The following BNC2 variants were observed in gnomAD, a reference collection of about 807,000 sequenced individuals.
BNC2 encodes zinc finger protein basonuclin-2.
BNC2 carries 20 observed loss-of-function variants against 76.3 expected under a neutral mutation model. The ratio of observed to expected loss-of-function variants is 0.26; its 90% CI spans 0.18 to 0.38. BNC2 has a LOEUF of 0.38. Among genes scored for constraint, BNC2 ranks in the 10% least tolerant of loss-of-function variants. The pLI is 1.00. For synonymous variants in BNC2, 582 were observed against 514.8 expected (o/e 1.13, Z -1.77); for missense variants, 1,382 against 1,399.8 (o/e 0.99, Z 0.20).
At chr9:16,452,685 C>T (rs753111048) in intron 5 of BNC2, among the ~76,000 whole-genome samples, 2 of 152,198 alleles carry the variant, frequency 1.3e-5, no homozygotes, top group South Asian at 4.1e-4. Context: ...GCTGGGATCA[C>T]AGGTGTGAGC....
In BNC2 at chr9:16,419,353, T is replaced by C. The variant is rs1262424171; in HGVS notation, c.2936A>G (p.Glu979Gly). Residue 979 changes from glutamate (E) to glycine (G), a missense_variant, in exon 7 of 7, where the codon GAA becomes GGA. Physicochemically the swap from Glu to Gly is moderately conservative, Grantham distance 98. Coordinates refer to ENST00000380672, the MANE Select transcript of BNC2 (RefSeq NM_017637.6). ...QSSSSIHSSRESDAGSDEGIL... is the reference protein window; with the variant it reads ...QSSSSIHSSRGSDAGSDEGIL... ...CCCCTCATCGCTGCCTGCGTCGGAT[T>C]CTCTGGAGGAATGGATACTGCTGCT... 2.5e-6 allele frequency: 4 copies of C among 1,609,854 alleles called. No homozygotes were observed. Among genetic ancestry groups the C allele is most frequent in the Non-Finnish European group, 3.4e-6 (4 of 1,177,338 alleles).
chr9:16,577,141 T>G (rs1819508700), intron 4 of BNC2, among the ~76,000 whole-genome samples: 1 of 152,198 alleles, frequency 6.6e-6, no homozygotes, highest in Non-Finnish European at 1.5e-5. Flanking sequence ...CTTGCCAGAT[T>G]TAGCAAATAA....
At chr9:16,696,690 T>C (rs928357411) in intron 3 of BNC2, among the ~76,000 whole-genome samples, 9 of 152,214 alleles carry the variant, frequency 5.9e-5, no homozygotes, top group Admixed American at 1.3e-4. Context: ...GAATAATAAA[T>C]AAATATCTTA....
chr9:16,840,115 G>C (rs939849789), intron 1 of BNC2, among the ~76,000 whole-genome samples: 1 of 151,586 alleles, frequency 6.6e-6, no homozygotes, highest in South Asian at 2.1e-4. Context: ...TACCAAAGAA[G>C]TTACAAAGAT....
At chr9:16,628,746 G>GA (rs1821072829) in intron 3 of BNC2, among the ~76,000 whole-genome samples, 3 of 152,226 alleles carry the variant, frequency 2.0e-5, no homozygotes, top group African/African-American at 7.2e-5. Flanking sequence ...AAAGCATTCT[G>GA]AAAAAGATTC....
At chr9:16,729,965 G>A (rs1824460030) in intron 2 of BNC2, among the ~76,000 whole-genome samples, 1 of 151,878 alleles carries the variant, frequency 6.6e-6, no homozygotes, top group African/African-American at 2.4e-5. Flanking sequence ...TTTTGCCTGT[G>A]TTCTCTCTCG....
At chr9:16,850,113 G>T (rs1467087620) in intron 1 of BNC2, among the ~76,000 whole-genome samples, 1 of 152,116 alleles carries the variant, frequency 6.6e-6, no homozygotes, top group Non-Finnish European at 1.5e-5. Flanking sequence ...GTATCATGAA[G>T]CACTCATGCA....
chr9:16,440,510 AG>A (rs905476365), intron 5 of BNC2, among the ~76,000 whole-genome samples: 1 of 152,170 alleles, frequency 6.6e-6, no homozygotes, highest in Admixed American at 6.5e-5. Context: ...TATCTTCCCC[AG>A]GTTCTTCCAA....
intron 6 of BNC2, among the ~76,000 whole-genome samples, chr9:16,426,720 G>A (rs1169959553): frequency 1.3e-5 from 2 of 151,098 alleles, no homozygotes; most frequent in African/African-American, 4.9e-5. Context: ...AGCAATGCAT[G>A]CATGCTACTA....
At chr9:16,424,725 A>G (rs7856438) in intron 6 of BNC2, among the ~76,000 whole-genome samples, 71,308 of 151,920 alleles carry the variant, frequency 0.47, 18,306 homozygotes, top group African/African-American at 0.68. Flanking sequence ...GTACATTGTA[A>G]GACTACTGAG....
At chr9:16,696,913 T>C (rs1743400355) in intron 3 of BNC2, among the ~76,000 whole-genome samples, 1 of 152,236 alleles carries the variant, frequency 6.6e-6, no homozygotes, top group African/African-American at 2.4e-5. Context: ...ACTAACTCAA[T>C]GTCACCCTGT....
intron 3 of BNC2, among the ~76,000 whole-genome samples, chr9:16,595,414 C>T (rs1255252963): frequency 6.6e-6 from 1 of 152,096 alleles, no homozygotes; most frequent in Admixed American, 6.6e-5. Context: ...GTCATAGATT[C>T]CCCAGGGGTC....
intron 1 of BNC2, among the ~76,000 whole-genome samples, chr9:16,747,906 T>C (rs374711575): frequency 6.6e-6 from 1 of 152,244 alleles, no homozygotes; most frequent in South Asian, 2.1e-4. Flanking sequence ...TAGTTAGTTA[T>C]AATTATTAAT....
rs1008578271 is a variant in BNC2 at position 16,626,266 on chromosome 9, G to A, written c.331-43181C>T. ...TGTGTAAAGCATTCCTGAAGCTGAA[G>A]GGAAAACAAACTTCAAAAATCATGA... On this transcript the variant is annotated intron_variant, in intron 3 of 6. Transcript: ENST00000380672. 2.2e-4 allele frequency: 34 copies of A among 152,106 alleles called. 1 individual carries two copies. Among genetic ancestry groups the A allele is most frequent in the Admixed American group, 1.8e-3 (27 of 15,280 alleles). The allele number at this position is 152,106 out of a possible 1,614,324, so 9.4% of individuals were successfully genotyped here.
intron 1 of BNC2, among the ~76,000 whole-genome samples, chr9:16,793,894 G>A (rs184869498): frequency 1.4e-5 from 2 of 143,634 alleles, no homozygotes; most frequent in Admixed American, 7.0e-5. Context: ...AGTAGAGACG[G>A]AGTTTCACCG....
At chr9:16,788,423 G>C (rs140990005) in intron 1 of BNC2, among the ~76,000 whole-genome samples, 4 of 151,890 alleles carry the variant, frequency 2.6e-5, no homozygotes, top group African/African-American at 9.7e-5. Context: ...CGTGGTGGTA[G>C]GCTCCTGTAA....
intron 3 of BNC2, among the ~76,000 whole-genome samples, chr9:16,587,492 C>T (rs10756763): frequency 0.82 from 124,354 of 152,122 alleles, 52,753 homozygotes; most frequent in East Asian, 0.98. Context: ...TTTATTCTCA[C>T]GGTTACTACC....
intron 3 of BNC2, chr9:16,665,241 A>G (rs1338694147): frequency 5.4e-6 from 2 of 369,460 alleles, no homozygotes; most frequent in Non-Finnish European, 1.0e-5. Context: ...ATGGTGGTGC[A>G]TGCCTGTAAT....
intron 1 of BNC2, among the ~76,000 whole-genome samples, chr9:16,785,056 T>G (rs1164617099): frequency 6.6e-6 from 1 of 152,226 alleles, no homozygotes; most frequent in Non-Finnish European, 1.5e-5. Context: ...ACAAAGCATT[T>G]TATAAAGACA....
Sources: gnomAD v4.1 joint callset for allele counts (sites outside exome capture counted in the v4.1 genomes callset) on GRCh38, gnomAD v4.1.1 for gene constraint, MANE v1.5 for transcripts, NCBI Gene and HGNC (gene_info 2026-07-23, HGNC 2026-07-21) for gene names.